The following TNNI3K variants were observed in gnomAD, a reference collection of about 807,000 sequenced individuals.
TNNI3K encodes the protein serine/threonine-protein kinase TNNI3K.
TNNI3K carries 140 observed loss-of-function variants against 114.5 expected under a neutral mutation model. That is an observed-to-expected ratio of 1.22 (90% CI 1.07 to 1.41). The LOEUF is 1.41. TNNI3K is among the 40% of genes most tolerant of loss of function. The pLI is 0.00. For missense variants in TNNI3K, 1,125 were observed against 1,007.6 expected (o/e 1.12, Z -1.58); for synonymous variants, 347 against 347.5 (o/e 1.00, Z 0.02).
chr1:74,324,049 G>A (rs1187045406), intron 5 of TNNI3K, among the ~76,000 whole-genome samples: 3 of 152,136 alleles, frequency 2.0e-5, no homozygotes, highest in African/African-American at 4.8e-5. Flanking sequence ...ATAAGGAAAA[G>A]GTCATAATTT....
intron 5 of TNNI3K, among the ~76,000 whole-genome samples, chr1:74,314,673 C>G (rs190762434): frequency 1.3e-5 from 2 of 152,012 alleles, no homozygotes; most frequent in Non-Finnish European, 2.9e-5. Context: ...ATAAATATTC[C>G]TGAAAATGTT....
intron 21 of TNNI3K, among the ~76,000 whole-genome samples, chr1:74,465,548 G>A (rs1054808445): frequency 5.9e-5 from 9 of 151,748 alleles, no homozygotes; most frequent in Non-Finnish European, 7.4e-5. Context: ...CCCCCCAACC[G>A]TGGGCTCCTG....
At chr1:74,306,469 G>A (rs1333591358) in intron 5 of TNNI3K, among the ~76,000 whole-genome samples, 1 of 152,130 alleles carries the variant, frequency 6.6e-6, no homozygotes, top group African/African-American at 2.4e-5. Context: ...TTTCCACAGG[G>A]GCTGAACTAA....
At chr1:74,505,422 G>A (rs527310723) in intron 23 of TNNI3K, among the ~76,000 whole-genome samples, 1 of 152,310 alleles carries the variant, frequency 6.6e-6, no homozygotes, top group Non-Finnish European at 1.5e-5. Flanking sequence ...TATGTTCGCA[G>A]CAATAAGAAG....
At chr1:74,535,442 C>G (rs1646649027) in intron 23 of TNNI3K, among the ~76,000 whole-genome samples, 1 of 152,058 alleles carries the variant, frequency 6.6e-6, no homozygotes. Context: ...TGCAATCCAG[C>G]CTGGGTGACT....
chr1:74,426,950 G>A (rs867562121), intron 17 of TNNI3K, among the ~76,000 whole-genome samples: 4 of 152,210 alleles, frequency 2.6e-5, no homozygotes, highest in Middle Eastern at 3.4e-3. Context: ...ATAGTTGTTA[G>A]TCAAATGATT....
intron 6 of TNNI3K, among the ~76,000 whole-genome samples, chr1:74,331,810 A>G (rs1660219925): frequency 6.6e-6 from 1 of 152,170 alleles, no homozygotes. Context: ...CAGTCAGCCT[A>G]AATTTGAAAA....
chr1:74,342,737 C>A, intron 7 of TNNI3K, 105 bp from the exon 8 acceptor site: 2 of 1,406,672 alleles, frequency 1.4e-6, no homozygotes, highest in South Asian at 1.4e-5. Context: ...TGGCAATTTC[C>A]AGGAATCACT....
chr1:74,415,152 G>A (rs923496430), intron 17 of TNNI3K, among the ~76,000 whole-genome samples: 10 of 152,012 alleles, frequency 6.6e-5, no homozygotes, highest in African/African-American at 1.9e-4. Flanking sequence ...TGCACTTGCC[G>A]CTCCCTCAGG....
In TNNI3K at chr1:74,393,667, T is replaced by A. The variant is rs553280433; in HGVS notation, c.1772+23275T>A. Among the ~76,000 whole-genome samples the A allele has an allele frequency of 2.4e-3, 367 of 152,222 alleles. 1 individual carries two copies. The highest frequency in any genetic ancestry group is 0.014 in the Middle Eastern group (4 of 292). On this transcript the variant is annotated intron_variant, in intron 17 of 24. Transcript: ENST00000326637. The stretch of plus-strand genomic sequence containing the variant: ...TATTATACAGCAGCAGTACCCAAAC[T>A]TTTTGGCACCAGGGAGCAGTTTTGT...
chr1:74,501,436 C>T (rs1669619236), intron 23 of TNNI3K, among the ~76,000 whole-genome samples: 1 of 152,064 alleles, frequency 6.6e-6, no homozygotes, highest in Admixed American at 6.6e-5. Flanking sequence ...TACCTCAAGA[C>T]CAACCAAAAC....
At chr1:74,438,239 T>A (rs1208822924) in intron 19 of TNNI3K, among the ~76,000 whole-genome samples, 1 of 151,902 alleles carries the variant, frequency 6.6e-6, no homozygotes, top group Non-Finnish European at 1.5e-5. Flanking sequence ...TATACAATGT[T>A]GTGACACAAT....
intron 9 of TNNI3K, chr1:74,345,766 G>A (rs999388109): frequency 6.6e-6 from 1 of 152,070 alleles, no homozygotes; most frequent in Non-Finnish European, 1.5e-5. Flanking sequence ...GAGGTATGAG[G>A]GAAACTACAG....
intron 23 of TNNI3K, among the ~76,000 whole-genome samples, chr1:74,493,135 T>A (rs1669160708): frequency 6.6e-6 from 1 of 152,096 alleles, no homozygotes. Flanking sequence ...TTGAGGAGGG[T>A]CACACTCCAG....
chr1:74,464,661 A>G, intron 21 of TNNI3K: 1 of 1,595,680 alleles, frequency 6.3e-7, no homozygotes, highest in Non-Finnish European at 8.5e-7. Context: ...GTCATTACCC[A>G]GTCTCATCTG....
chr1:74,469,602 G>A (rs1329466038), intron 21 of TNNI3K: 2 of 270,814 alleles, frequency 7.4e-6, no homozygotes, highest in East Asian at 6.1e-5. Flanking sequence ...ATGTTTGCTT[G>A]CTTTTGCAAG....
chr1:74,446,667 G>A (rs1352880671), intron 20 of TNNI3K, among the ~76,000 whole-genome samples: 2 of 149,220 alleles, frequency 1.3e-5, no homozygotes, highest in Non-Finnish European at 3.0e-5. Context: ...GGTTTTTATG[G>A]TTTTAGGTCT....
At chr1:74,480,995 T>C (rs1478157295) in intron 21 of TNNI3K, 4 of 689,734 alleles carry the variant, frequency 5.8e-6, no homozygotes, top group Non-Finnish European at 1.1e-5. Flanking sequence ...ACAGACTAGA[T>C]GCAGGGTACA....
intron 17 of TNNI3K, among the ~76,000 whole-genome samples, chr1:74,390,408 A>T (rs2100566788): frequency 6.6e-6 from 1 of 152,318 alleles, no homozygotes; most frequent in East Asian, 1.9e-4. Context: ...TAATTATAAA[A>T]GGTACAGGAG....
Sources: gnomAD v4.1 joint callset for allele counts (sites outside exome capture counted in the v4.1 genomes callset) on GRCh38, gnomAD v4.1.1 for gene constraint, MANE v1.5 for transcripts, NCBI Gene and HGNC (gene_info 2026-07-23, HGNC 2026-07-21) for gene names.